Variants in DNM3 observed in about 807,000 individuals in gnomAD.
DNM3 encodes dynamin 3.
In DNM3, 47 loss-of-function variants were observed where a neutral mutation model predicts 101.6. That is an observed-to-expected ratio of 0.46 (90% CI 0.37 to 0.59). The LOEUF (loss-of-function observed/expected upper bound fraction) is 0.59. Among genes scored for constraint, DNM3 ranks in the 20% least tolerant of loss-of-function variants. DNM3 has a pLI of 0.00. For synonymous variants in DNM3, 385 were observed against 387.9 expected, an observed-to-expected ratio of 0.99 and a Z score of 0.09; for missense variants, 849 against 1,085.7, an observed-to-expected ratio of 0.78 and a Z score of 3.06.
At chr1:172,061,299 A>T (rs888090213) in intron 10 of DNM3, among the ~76,000 whole-genome samples, 1 of 145,352 alleles carries the variant, frequency 6.9e-6, no homozygotes, top group Non-Finnish European at 1.5e-5. Context: ...GCGATTCCTC[A>T]GGGATCTAGA....
intron 14 of DNM3, among the ~76,000 whole-genome samples, chr1:172,236,159 C>G (rs2061537217): frequency 6.6e-6 from 1 of 152,132 alleles, no homozygotes; most frequent in Middle Eastern, 3.2e-3. Flanking sequence ...TTAGAAGGAT[C>G]TCTGTCTCCT....
intron 13 of DNM3, among the ~76,000 whole-genome samples, chr1:172,120,825 A>G (rs890076828): frequency 3.9e-5 from 6 of 152,142 alleles, no homozygotes; most frequent in Non-Finnish European, 2.9e-5. Context: ...CTTGTCTATA[A>G]GCTCCATGGA....
intron 14 of DNM3, among the ~76,000 whole-genome samples, chr1:172,156,178 A>C (rs551279949): frequency 6.6e-6 from 1 of 152,256 alleles, no homozygotes; most frequent in South Asian, 2.1e-4. Flanking sequence ...GATTTCCAAA[A>C]TATTTAGCAA....
downstream of DNM3, among the ~76,000 whole-genome samples, chr1:172,414,751 TAA>T (rs11378822): frequency 4.0e-5 from 4 of 100,100 alleles, no homozygotes; most frequent in Admixed American, 1.0e-4. Flanking sequence ...ACCTCATCTC[TAA>T]AAAAAAAAAA....
chr1:172,022,985 A>G (rs1341244587), intron 4 of DNM3, among the ~76,000 whole-genome samples: 1 of 151,878 alleles, frequency 6.6e-6, no homozygotes, highest in African/African-American at 2.4e-5. Context: ...CTTCCATGAT[A>G]TTGTCTTTTT....
intron 15 of DNM3, among the ~76,000 whole-genome samples, chr1:172,267,948 G>A (rs755390875): frequency 1.3e-5 from 2 of 152,084 alleles, no homozygotes; most frequent in Non-Finnish European, 2.9e-5. Flanking sequence ...TCCTGACCTC[G>A]TGATTCACCC....
chr1:171,863,762 C>G (rs1003782469), intron 1 of DNM3, among the ~76,000 whole-genome samples: 1 of 152,188 alleles, frequency 6.6e-6, no homozygotes, highest in Non-Finnish European at 1.5e-5. Context: ...ATGTTCCCCT[C>G]TACCTGGAAG....
At chr1:172,017,761 T>G (rs1236721619) in intron 4 of DNM3, among the ~76,000 whole-genome samples, 1 of 152,192 alleles carries the variant, frequency 6.6e-6, no homozygotes, top group Non-Finnish European at 1.5e-5. Flanking sequence ...TTACGGATTT[T>G]CTGCTTGCTG....
chr1:171,971,219 G>C (rs1017213339), intron 2 of DNM3, among the ~76,000 whole-genome samples: 7 of 151,802 alleles, frequency 4.6e-5, no homozygotes, highest in African/African-American at 1.7e-4. Flanking sequence ...TCTCTTTGGT[G>C]CTTTTGTTAA....
chr1:172,403,182 T>C (rs2070632980), intron 20 of DNM3, among the ~76,000 whole-genome samples: 1 of 152,176 alleles, frequency 6.6e-6, no homozygotes, highest in African/African-American at 2.4e-5. Context: ...GGAAGAAGAC[T>C]GAACTACATA....
At chr1:172,047,956 T>A (rs529484734) in intron 9 of DNM3, among the ~76,000 whole-genome samples, 20 of 152,254 alleles carry the variant, frequency 1.3e-4, no homozygotes, top group African/African-American at 3.9e-4. Context: ...ATTTGAGTAA[T>A]CATTTTTCAT....
rs569844059 is a variant in DNM3 at position 171,886,534 on chromosome 1, A to G, written c.162-35214A>G. Among the ~76,000 whole-genome samples the G allele has an allele frequency of 1.0e-4, 15 of 149,724 alleles. No individual in the cohort carries two copies. The East Asian group carries it at 2.7e-3, about 27-fold the overall frequency. On this transcript the variant is annotated intron_variant, in intron 1 of 20. Transcript: ENST00000627582. ...TTTCTGGTTCCCACTTCCCCAACCC[A>G]TTTTTTTTTTAAAGAATCTATGGCC...
chr1:171,841,507 C>G lies in DNM3; in HGVS notation c.-150C>G. 8.8e-7 allele frequency: 1 copy of G among 1,131,678 alleles called. No individual in the cohort carries two copies. Among genetic ancestry groups the G allele is most frequent in the Non-Finnish European group, 1.2e-6 (1 of 841,886 alleles). 70.1% of individuals were successfully genotyped at this position (1,131,678 alleles called of 1,614,324 possible). ...CGGGTCGTTAGCTGTCAGAGCCAAG[C>G]GGCGGGCTGGCGGCGGGCTCCGACG... On this transcript the variant is annotated 5_prime_UTR_variant, in exon 1 of 21. Transcript: ENST00000627582.
chr1:172,206,753 T>C (rs540780168), intron 14 of DNM3, among the ~76,000 whole-genome samples: 1 of 152,244 alleles, frequency 6.6e-6, no homozygotes, highest in Non-Finnish European at 1.5e-5. Context: ...AAGATCTTGC[T>C]GACACCCAGG....
chr1:172,355,276 CAA>C (rs1178462723), intron 17 of DNM3, among the ~76,000 whole-genome samples: 1 of 151,640 alleles, frequency 6.6e-6, no homozygotes, highest in Non-Finnish European at 1.5e-5. Context: ...ATGAGTAAGT[CAA>C]GAGAATAACA....
intron 14 of DNM3, among the ~76,000 whole-genome samples, chr1:172,250,056 C>T (rs190091678): frequency 1.3e-5 from 2 of 152,132 alleles, no homozygotes; most frequent in African/African-American, 2.4e-5. Context: ...AAATGAGCAA[C>T]GTTCACATAA....
At chr1:172,198,758 A>G (rs2060046022) in intron 14 of DNM3, among the ~76,000 whole-genome samples, 1 of 151,874 alleles carries the variant, frequency 6.6e-6, no homozygotes, top group South Asian at 2.1e-4. Flanking sequence ...AAGTAGTAAC[A>G]TTCCCTTTAG....
chr1:172,179,909 G>T (rs1404148360), intron 14 of DNM3, among the ~76,000 whole-genome samples: 1 of 151,876 alleles, frequency 6.6e-6, no homozygotes, highest in African/African-American at 2.4e-5. Context: ...GGGATTAGAC[G>T]ACTAGAACCC....
intron 10 of DNM3, among the ~76,000 whole-genome samples, chr1:172,062,116 A>T (rs1195139090): frequency 6.6e-6 from 1 of 152,184 alleles, no homozygotes; most frequent in Non-Finnish European, 1.5e-5. Context: ...CAATCTTTAT[A>T]ATTGGTTCTT....
Sources: allele counts gnomAD v4.1 joint callset (sites outside exome capture counted in the v4.1 genomes callset), GRCh38; gene constraint gnomAD v4.1.1; transcripts MANE v1.5; gene names NCBI Gene and HGNC (gene_info 2026-07-23, HGNC 2026-07-21).